The following LRRC3B variants were observed in gnomAD, a reference collection of about 807,000 sequenced individuals.
The protein encoded by LRRC3B is leucine-rich repeat-containing protein 3B.
A neutral mutation model predicts 12.8 loss-of-function variants in LRRC3B; 2 were observed. The ratio of observed to expected loss-of-function variants is 0.16; its 90% confidence interval spans 0.06 to 0.49. The LOEUF is 0.49. LRRC3B is among the 20% of genes least tolerant of loss of function. LRRC3B has a pLI of 0.96. For synonymous variants in LRRC3B, 132 were observed against 122.0 expected (o/e 1.08, Z -0.54); for missense variants, 189 against 319.4 (o/e 0.59, Z 3.11).
At chr3:26,664,034 C>T (rs952695572) in intron 1 of LRRC3B, among the ~76,000 whole-genome samples, 1 of 152,056 alleles carries the variant, frequency 6.6e-6, no homozygotes, top group Non-Finnish European at 1.5e-5. Context: ...CAAATAAAGC[C>T]CACACTACTT....
chr3:26,667,812 A>G (rs1699638377), intron 1 of LRRC3B, among the ~76,000 whole-genome samples: 1 of 152,130 alleles, frequency 6.6e-6, no homozygotes, highest in African/African-American at 2.4e-5. Context: ...TCTCTTGTCA[A>G]AGAAGAGGAT....
intron 1 of LRRC3B, among the ~76,000 whole-genome samples, chr3:26,656,332 G>T (rs1052682590): frequency 2.6e-5 from 4 of 152,068 alleles, no homozygotes; most frequent in Non-Finnish European, 5.9e-5. Context: ...ATGATTGTGC[G>T]GGCAGTTTGA....
At chr3:26,692,833 C>T (rs952301893) in intron 1 of LRRC3B, among the ~76,000 whole-genome samples, 21 of 152,312 alleles carry the variant, frequency 1.4e-4, no homozygotes, top group South Asian at 8.3e-4. Context: ...GGTGGTTCTT[C>T]TAGTCTTGGC....
intron 1 of LRRC3B, among the ~76,000 whole-genome samples, chr3:26,678,852 C>T (rs915681387): frequency 6.6e-6 from 1 of 152,024 alleles, no homozygotes; most frequent in African/African-American, 2.4e-5. Flanking sequence ...TTCATAAGTG[C>T]TTTCCATGGG....
At chr3:26,636,886 CT>C (rs1459865218) in intron 1 of LRRC3B, among the ~76,000 whole-genome samples, 1,000 of 99,624 alleles carry the variant, frequency 0.01, 99 homozygotes, top group African/African-American at 0.04. Context: ...TCCTTCCTTC[CT>C]TTCTCTCTCT....
intron 1 of LRRC3B, among the ~76,000 whole-genome samples, chr3:26,706,578 G>A (rs1700594018): frequency 6.6e-6 from 1 of 152,204 alleles, no homozygotes; most frequent in Non-Finnish European, 1.5e-5. Context: ...TTCACAGGTA[G>A]ACCATTTGGG....
intron 1 of LRRC3B, among the ~76,000 whole-genome samples, chr3:26,683,556 G>A (rs1574854): frequency 6.6e-6 from 1 of 152,182 alleles, no homozygotes; most frequent in Non-Finnish European, 1.5e-5. Context: ...CTCAAATGAG[G>A]AATAAAAGCA....
chr3:26,671,375 G>T (rs866295013), intron 1 of LRRC3B, among the ~76,000 whole-genome samples: 2,296 of 47,512 alleles, frequency 0.048, 46 homozygotes, highest in African/African-American at 0.1. Context: ...TATATATATA[G>T]AGAGAGAGAG....
intron 1 of LRRC3B, among the ~76,000 whole-genome samples, chr3:26,666,009 T>G (rs954458837): frequency 1.3e-5 from 2 of 152,198 alleles, no homozygotes; most frequent in African/African-American, 4.8e-5. Context: ...ATATCCCATC[T>G]TCATTAATTC....
chr3:26,697,162 A>G (rs1700337590), intron 1 of LRRC3B, among the ~76,000 whole-genome samples: 1 of 152,146 alleles, frequency 6.6e-6, no homozygotes, highest in South Asian at 2.1e-4. Context: ...AATTGCCACA[A>G]TCTTGGTGGC....
At chr3:26,627,241 T>C (rs1698648100) in intron 1 of LRRC3B, among the ~76,000 whole-genome samples, 1 of 152,248 alleles carries the variant, frequency 6.6e-6, no homozygotes, top group Non-Finnish European at 1.5e-5. Context: ...TCTGTAGCTG[T>C]AGTACCAGGA....
intron 1 of LRRC3B, among the ~76,000 whole-genome samples, chr3:26,639,631 G>A (rs1444307148): frequency 2.0e-5 from 3 of 152,126 alleles, no homozygotes; most frequent in African/African-American, 7.2e-5. Context: ...CATGTGGCCA[G>A]TGATTACTGC....
chr3:26,706,554 A>G (rs1362262948), intron 1 of LRRC3B, among the ~76,000 whole-genome samples: 1 of 152,170 alleles, frequency 6.6e-6, no homozygotes, highest in African/African-American at 2.4e-5. Context: ...CCAGTTCACA[A>G]GCATTACATC....
At chr3:26,649,660 A>G (rs1228216633) in intron 1 of LRRC3B, among the ~76,000 whole-genome samples, 5 of 152,210 alleles carry the variant, frequency 3.3e-5, no homozygotes, top group African/African-American at 1.2e-4. Flanking sequence ...CCTCTACCTC[A>G]TATTTCACAT....
At chr3:26,662,898 G>A (rs896542882) in intron 1 of LRRC3B, among the ~76,000 whole-genome samples, 2 of 152,100 alleles carry the variant, frequency 1.3e-5, no homozygotes, top group African/African-American at 4.8e-5. Flanking sequence ...TATGTCATGA[G>A]GATTTGAAGT....
At chr3:26,695,662 C>T (rs966337196) in intron 1 of LRRC3B, among the ~76,000 whole-genome samples, 1 of 152,186 alleles carries the variant, frequency 6.6e-6, no homozygotes. Context: ...CATTATTTTT[C>T]CCCAATGTCT....
chr3:26,677,883 C>G (rs941436487), intron 1 of LRRC3B, among the ~76,000 whole-genome samples: 1 of 152,150 alleles, frequency 6.6e-6, no homozygotes, highest in Non-Finnish European at 1.5e-5. Flanking sequence ...TCACTGCAGC[C>G]TTGACCTCCT....
At chr3:26,658,131 T>C (rs574819691) in intron 1 of LRRC3B, among the ~76,000 whole-genome samples, 150 of 152,276 alleles carry the variant, frequency 9.9e-4, no homozygotes, top group African/African-American at 3.4e-3. Flanking sequence ...GGCTGGAGTT[T>C]CAGTGGCACC....
At chr3:26,626,558 C>G (rs1698630206) in intron 1 of LRRC3B, among the ~76,000 whole-genome samples, 1 of 152,012 alleles carries the variant, frequency 6.6e-6, no homozygotes, top group Admixed American at 6.6e-5. Flanking sequence ...AAATATGGTA[C>G]CATTATACAT....
Sources: gnomAD v4.1 joint callset for allele counts (sites outside exome capture counted in the v4.1 genomes callset) on GRCh38, gnomAD v4.1.1 for gene constraint, MANE v1.5 for transcripts, NCBI Gene and HGNC (gene_info 2026-07-23, HGNC 2026-07-21) for gene names.